Variants in WWOX observed in about 807,000 individuals in gnomAD.
WWOX encodes the protein WW domain-containing oxidoreductase.
In WWOX, 69 loss-of-function variants were observed where a neutral mutation model predicts 46.2. The observed-to-expected ratio is 1.49, with a 90% CI of 1.23 to 1.82. WWOX has a LOEUF of 1.82. Among genes scored for constraint, WWOX ranks in the 40% most tolerant of loss-of-function variants. WWOX has a pLI of 0.00. For missense variants in WWOX, 919 were observed against 542.6 expected, an observed-to-expected ratio of 1.69 and a Z score of -6.89; for synonymous variants, 359 against 202.6, an observed-to-expected ratio of 1.77 and a Z score of -6.56.
intron 8 of WWOX, among the ~76,000 whole-genome samples, chr16:78,679,901 G>T (rs1250266847): frequency 6.6e-6 from 1 of 152,164 alleles, no homozygotes; most frequent in East Asian, 1.9e-4. Flanking sequence ...CAGCTTCCCA[G>T]ACACTCCGTA....
intron 5 of WWOX, among the ~76,000 whole-genome samples, chr16:78,225,728 G>A (rs2037032415): frequency 3.9e-5 from 6 of 152,118 alleles, no homozygotes. Flanking sequence ...ATATACCTGG[G>A]CTAATTAAGA....
At chr16:78,778,644 C>T (rs947707667) in intron 8 of WWOX, among the ~76,000 whole-genome samples, 1 of 152,208 alleles carries the variant, frequency 6.6e-6, no homozygotes, top group Non-Finnish European at 1.5e-5. Flanking sequence ...GCTGTGTTTT[C>T]TCAGTATGTG....
intron 8 of WWOX, among the ~76,000 whole-genome samples, chr16:78,888,741 C>G (rs897654201): frequency 2.0e-5 from 3 of 152,158 alleles, no homozygotes; most frequent in African/African-American, 7.2e-5. Flanking sequence ...GAAATACATT[C>G]CCCTAAAATA....
chr16:78,557,689 A>ATTTTTTTTTTTTGTTTTT (rs2044336701), intron 8 of WWOX, among the ~76,000 whole-genome samples: 1 of 96,648 alleles, frequency 1.0e-5, no homozygotes, highest in African/African-American at 5.2e-5. Context: ...CTAGGGAAGG[A>ATTTTTTTTTTTTGTTTTT]TTTTTTTTTT....
Position 78,328,923 on chromosome 16 carries a change from G to A in WWOX, c.517-57937G>A, listed in dbSNP as rs564780747. Reference sequence around the variant, plus strand: ...GTCTTCCAGGCTGGAGTGCAGTGGTGCGATCTCAGCTCACTGCAGCCTCTG... The same window carrying A: ...GTCTTCCAGGCTGGAGTGCAGTGGTACGATCTCAGCTCACTGCAGCCTCTG... On this transcript the variant is annotated intron_variant, in intron 5 of 8. Coordinates refer to ENST00000566780, the MANE Select transcript of WWOX (RefSeq NM_016373.4). Among the ~76,000 whole-genome samples the A allele has an allele frequency of 3.9e-5, 6 of 151,924 alleles. No homozygotes were observed. The South Asian group carries it at 1.0e-3, about 26-fold the overall frequency.
At chr16:79,094,145 A>G (rs1321947267) in intron 8 of WWOX, among the ~76,000 whole-genome samples, 1 of 152,184 alleles carries the variant, frequency 6.6e-6, no homozygotes, top group Non-Finnish European at 1.5e-5. Flanking sequence ...TCATTTACAA[A>G]CAACTGTGCA....
In WWOX at chr16:78,339,276, C is replaced by CT. The variant is rs1176171315; in HGVS notation, c.517-47577dup. Among the ~76,000 whole-genome samples the CT allele has an allele frequency of 1.2e-4, 14 of 113,102 alleles. 2 individuals carry two copies. Among genetic ancestry groups the CT allele is most frequent in the African/African-American group, 3.9e-4 (13 of 33,516 alleles). The allele number at this position is 113,102 out of a possible 152,430, so 74.2% of individuals were successfully genotyped here. On this transcript the variant is annotated intron_variant, in intron 5 of 8. Transcript: ENST00000566780. ...TTTTTTCCCTGGAGTTAATACTCAT[C>CT]TTTTTTTAGAAATTTGCTGAGTTTG...
At chr16:78,523,253 A>T (rs886978552) in intron 8 of WWOX, among the ~76,000 whole-genome samples, 1 of 152,228 alleles carries the variant, frequency 6.6e-6, no homozygotes, top group Non-Finnish European at 1.5e-5. Flanking sequence ...TAAATAAAAT[A>T]TTAATTTTTC....
chr16:78,568,175 A>G (rs2044620910), intron 8 of WWOX, among the ~76,000 whole-genome samples: 1 of 152,110 alleles, frequency 6.6e-6, no homozygotes, highest in South Asian at 2.1e-4. Flanking sequence ...TTCACCAAAA[A>G]TCATCCTCTG....
intron 8 of WWOX, among the ~76,000 whole-genome samples, chr16:78,939,637 CA>C (rs1405322573): frequency 6.6e-6 from 1 of 152,172 alleles, no homozygotes; most frequent in Non-Finnish European, 1.5e-5. Flanking sequence ...ATTCAATGAT[CA>C]AATATCGAAT....
chr16:79,171,346 AGTT>A (rs1056009385), intron 8 of WWOX, among the ~76,000 whole-genome samples: 3 of 152,234 alleles, frequency 2.0e-5, no homozygotes, highest in East Asian at 1.9e-4. Flanking sequence ...GTAGCACTAT[AGTT>A]GTTATTTATT....
chr16:78,442,675 A>T (rs908076673), intron 8 of WWOX, among the ~76,000 whole-genome samples: 3 of 152,144 alleles, frequency 2.0e-5, no homozygotes, highest in Non-Finnish European at 2.9e-5. Context: ...CCCTGTTAAC[A>T]TTGAACATAA....
intron 8 of WWOX, among the ~76,000 whole-genome samples, chr16:78,961,869 A>G (rs904806870): frequency 1.3e-5 from 2 of 152,164 alleles, no homozygotes; most frequent in African/African-American, 4.8e-5. Flanking sequence ...TGCAGAAATC[A>G]TTCTGTGGTT....
Position 78,256,117 on chromosome 16 carries a change from T to C in WWOX, c.516+91828T>C, listed in dbSNP as rs554459652. On this transcript the variant is annotated intron_variant, in intron 5 of 8. Transcript: ENST00000566780. Reference sequence around the variant, plus strand: ...GTGAGCCTAGACTGCACCATTGTACTCCATCCTGGGCGACAGAGCAAGACT... The same window carrying C: ...GTGAGCCTAGACTGCACCATTGTACCCCATCCTGGGCGACAGAGCAAGACT... Among the ~76,000 whole-genome samples, 3 of 121,824 alleles carry C rather than the reference T, an allele frequency of 2.5e-5. No homozygotes were observed. The East Asian group carries it at 7.8e-4, about 32-fold the overall frequency. 79.9% of individuals were successfully genotyped at this position (121,824 alleles called of 152,430 possible).
intron 8 of WWOX, among the ~76,000 whole-genome samples, chr16:78,976,318 T>A (rs1355081322): frequency 2.0e-5 from 3 of 152,234 alleles, no homozygotes. Flanking sequence ...AGTTTTGAAA[T>A]GAGAACCGAT....
At chr16:78,105,963 G>A (rs549400293) in intron 1 of WWOX, among the ~76,000 whole-genome samples, 1 of 152,248 alleles carries the variant, frequency 6.6e-6, no homozygotes, top group East Asian at 1.9e-4. Flanking sequence ...CACCATGTCT[G>A]TCTAATTTTT....
At chr16:79,038,395 T>C (rs755736900) in intron 8 of WWOX, among the ~76,000 whole-genome samples, 85 of 152,140 alleles carry the variant, frequency 5.6e-4, no homozygotes, top group Non-Finnish European at 4.0e-4. Flanking sequence ...TCTGTGAGTC[T>C]AATTATGGAA....
intron 8 of WWOX, among the ~76,000 whole-genome samples, chr16:78,948,266 T>G (rs1185658050): frequency 6.6e-6 from 1 of 152,184 alleles, no homozygotes; most frequent in Non-Finnish European, 1.5e-5. Context: ...CTAGCTATTA[T>G]TTATTTGTTG....
chr16:78,908,608 C>G (rs1405891320), intron 8 of WWOX, among the ~76,000 whole-genome samples: 1 of 151,582 alleles, frequency 6.6e-6, no homozygotes, highest in Non-Finnish European at 1.5e-5. Context: ...TATTATTACT[C>G]AAATAAGTCT....
Sources: allele counts gnomAD v4.1 joint callset (sites outside exome capture counted in the v4.1 genomes callset), GRCh38; gene constraint gnomAD v4.1.1; transcripts MANE v1.5; gene names NCBI Gene and HGNC (gene_info 2026-07-23, HGNC 2026-07-21).